The following SP100 variants were observed in gnomAD, a reference collection of about 807,000 sequenced individuals.
The protein encoded by SP100 is nuclear autoantigen Sp-100.
SP100 carries 84 observed loss-of-function variants against 130.0 expected under a neutral mutation model. The ratio of observed to expected loss-of-function variants is 0.65; its 90% CI spans 0.54 to 0.77. The LOEUF is 0.77. SP100 is among the 30% of genes least tolerant of loss of function. SP100 has a pLI of 0.00. For missense variants in SP100, 978 were observed against 1,052.2 expected (o/e 0.93, Z 0.97); for synonymous variants, 331 against 351.7 (o/e 0.94, Z 0.66).
chr2:230,516,870 C>T (rs901314949), intron 24 of SP100, among the ~76,000 whole-genome samples: 3 of 152,130 alleles, frequency 2.0e-5, no homozygotes, highest in South Asian at 2.1e-4. Flanking sequence ...ACCAGAATCA[C>T]GACTGATAGT....
In SP100 at chr2:230,416,202, C is replaced by T. The variant is rs2062594443; in HGVS notation, c.-95C>T. 2.1e-6 allele frequency: 2 copies of T among 962,856 alleles called. No individual in the cohort carries two copies. Among genetic ancestry groups the T allele is most frequent in the Non-Finnish European group, 1.6e-6 (1 of 619,210 alleles). The allele number at this position is 962,856 out of a possible 1,614,324, so 59.6% of individuals were successfully genotyped here. ...AGTCAGTCTGTCGGCCGACTTCCTGCTTGGGGCCTGGGCAGCCACACTGCA... is the reference window on the plus strand; with the variant it reads ...AGTCAGTCTGTCGGCCGACTTCCTGTTTGGGGCCTGGGCAGCCACACTGCA... On this transcript the variant is annotated 5_prime_UTR_variant, in exon 1 of 29. Transcript: ENST00000340126.
chr2:230,531,404 A>G (rs1193073939), intron 24 of SP100, among the ~76,000 whole-genome samples: 2 of 123,612 alleles, frequency 1.6e-5, no homozygotes, highest in African/African-American at 6.4e-5. Flanking sequence ...AACATCACAC[A>G]CCGGGGCCTG....
chr2:230,480,380 G>A (rs2065775510), intron 17 of SP100, among the ~76,000 whole-genome samples: 1 of 152,106 alleles, frequency 6.6e-6, no homozygotes, highest in Admixed American at 6.5e-5. Flanking sequence ...TAAAAGGATG[G>A]GTAAAGAAAT....
At chr2:230,421,749 G>A (rs527901742) in intron 2 of SP100, among the ~76,000 whole-genome samples, 1 of 152,138 alleles carries the variant, frequency 6.6e-6, no homozygotes, top group South Asian at 2.1e-4. Flanking sequence ...TATGTCACCT[G>A]TTTTGCCTGT....
chr2:230,543,172 G>C lies in SP100; in HGVS notation c.*226G>C. The C allele has an allele frequency of 5.4e-6, 2 of 367,610 alleles. No individual in the cohort carries two copies. Among genetic ancestry groups the C allele is most frequent in the Non-Finnish European group, 5.0e-6 (1 of 200,080 alleles). 22.8% of individuals were successfully genotyped at this position (367,610 alleles called of 1,614,324 possible). A position where few individuals can be genotyped will look rare whatever the true frequency, so the allele number is the denominator to read the frequency against. On this transcript the variant is annotated 3_prime_UTR_variant, in exon 29 of 29. Transcript: ENST00000340126. ...TGAGGAACATATCCCAAAATAATAA[G>C]AGCCATTTATGACAAACCCACAGAC...
chr2:230,490,620 G>A (rs139652426), intron 17 of SP100, among the ~76,000 whole-genome samples: 1 of 152,234 alleles, frequency 6.6e-6, no homozygotes, highest in East Asian at 1.9e-4. Context: ...TTTTTGCAGT[G>A]GCTGGTACTG....
intron 19 of SP100, among the ~76,000 whole-genome samples, chr2:230,498,845 T>C (rs1001117001): frequency 1.3e-5 from 2 of 152,182 alleles, no homozygotes; most frequent in African/African-American, 2.4e-5. Flanking sequence ...ACAAAACCTA[T>C]GTAATTCACA....
At chr2:230,516,162 C>A in intron 24 of SP100, 1 of 658,918 alleles carries the variant, frequency 1.5e-6, no homozygotes, top group Non-Finnish European at 1.9e-6. Flanking sequence ...TCCACAAAGC[C>A]AATCTCAATC....
At chr2:230,502,914 A>C (rs1326968676) in intron 19 of SP100, 152 bp from the exon 20 acceptor site, 1 of 579,358 alleles carries the variant, frequency 1.7e-6, no homozygotes, top group Non-Finnish European at 3.1e-6. Context: ...ACTACTTACT[A>C]TCTGTCCCTT....
intron 2 of SP100, among the ~76,000 whole-genome samples, chr2:230,431,669 A>AT (rs969995281): frequency 4.0e-4 from 61 of 151,300 alleles, no homozygotes; most frequent in African/African-American, 6.8e-4. Context: ...CTGGAAGACT[A>AT]TTTTTTTTTA....
At chr2:230,521,517 C>T (rs1691169382) in intron 24 of SP100, among the ~76,000 whole-genome samples, 1 of 152,188 alleles carries the variant, frequency 6.6e-6, no homozygotes, top group South Asian at 2.1e-4. Flanking sequence ...CTATAAACCC[C>T]TAATTTTAGT....
chr2:230,454,450 C>T (rs183278803), intron 8 of SP100, among the ~76,000 whole-genome samples: 133 of 152,142 alleles, frequency 8.7e-4, no homozygotes, highest in African/African-American at 3.0e-3. Flanking sequence ...CTTGTAACTG[C>T]TTTTGCTATA....
At chr2:230,542,794 C>A in intron 28 of SP100, 42 bp from the exon 29 acceptor site, 2 of 1,176,276 alleles carry the variant, frequency 1.7e-6, no homozygotes, top group South Asian at 2.5e-5. Flanking sequence ...TGTCTCAGCT[C>A]ATTGCATAAC....
At chr2:230,431,521 C>G (rs2063099325) in intron 2 of SP100, among the ~76,000 whole-genome samples, 1 of 152,178 alleles carries the variant, frequency 6.6e-6, no homozygotes, top group African/African-American at 2.4e-5. Context: ...GAAATTTTCA[C>G]AAAGGCATCC....
intron 19 of SP100, among the ~76,000 whole-genome samples, chr2:230,501,389 C>T (rs998362593): frequency 1.1e-4 from 16 of 152,112 alleles, no homozygotes; most frequent in African/African-American, 2.4e-4. Context: ...ACATCTTGTG[C>T]GGTAGAGCAT....
At position 230,421,814 on chromosome 2, in the gene SP100, T is replaced by C. The variant is rs367616916; in HGVS notation, c.107+4149T>C. Among the ~76,000 whole-genome samples the C allele has an allele frequency of 2.6e-5, 4 of 152,158 alleles. No homozygotes were observed. The South Asian group carries it at 8.3e-4, about 32-fold the overall frequency. On this transcript the variant is annotated intron_variant, in intron 2 of 28. Coordinates refer to ENST00000340126, the MANE Select transcript of SP100 (RefSeq NM_001080391.2). The stretch of plus-strand genomic sequence containing the variant: ...CCTTGATTCTAAAATCTCATGATGG[T>C]TTGCCTTGATGTGGGTGTTAAATTC...
Position 230,539,293 on chromosome 2 carries a change from G to A in SP100, c.2121G>A (p.Val707=), listed in dbSNP as rs766410043. ...CGGAAAACTCAAATATATGTGAGGT[G>A]TGCAACAAATGGGGACGGCTGTTCT... ...PCPENSNICE[V]CNKWGRLFCC... is the part of the protein sequence containing the mutation. Residue 707 remains valine (V), a synonymous_variant, in exon 25 of 29, where the codon GTG becomes GTA. Transcript: ENST00000340126. 1 of 1,613,900 alleles carries A rather than the reference G, an allele frequency of 6.2e-7. No homozygotes were observed. The highest frequency in any genetic ancestry group is 2.2e-5 in the East Asian group (1 of 44,886).
At chr2:230,502,389 A>G (rs2150064907) in intron 19 of SP100, among the ~76,000 whole-genome samples, 1 of 152,262 alleles carries the variant, frequency 6.6e-6, no homozygotes, top group South Asian at 2.1e-4. Context: ...CTGTCTTGAG[A>G]CCTTATGTTT....
intron 2 of SP100, among the ~76,000 whole-genome samples, chr2:230,426,410 T>C (rs1231504119): frequency 6.6e-6 from 1 of 152,224 alleles, no homozygotes; most frequent in Non-Finnish European, 1.5e-5. Context: ...CTGCATCTCA[T>C]TAAGTTTTGC....
Sources: gnomAD v4.1 joint callset for allele counts (sites outside exome capture counted in the v4.1 genomes callset) on GRCh38, gnomAD v4.1.1 for gene constraint, MANE v1.5 for transcripts, NCBI Gene and HGNC (gene_info 2026-07-23, HGNC 2026-07-21) for gene names.